SLC25A17: variants seen among roughly 807,000 people sequenced by gnomAD.
SLC25A17 encodes the protein solute carrier family 25 member 17, also known as peroxisomal membrane protein PMP34.
In SLC25A17, 26 loss-of-function variants were observed where a neutral mutation model predicts 38.5. The observed-to-expected ratio is 0.68, with a 90% CI of 0.50 to 0.94. The LOEUF is 0.94. Ranked by LOEUF, SLC25A17 falls within the 40% of genes least tolerant of loss-of-function variation. The pLI is 0.00. For synonymous variants in SLC25A17, 139 were observed against 136.2 expected (o/e 1.02, Z -0.14); for missense variants, 333 against 372.7 (o/e 0.89, Z 0.88).
At chr22:40,787,246 G>A (rs1307490273) in intron 4 of SLC25A17, among the ~76,000 whole-genome samples, 3 of 152,188 alleles carry the variant, frequency 2.0e-5, no homozygotes, top group Non-Finnish European at 4.4e-5. Flanking sequence ...GACCACAGTT[G>A]CTGTAGAGGA....
At chr22:40,794,770 C>A (rs1245194701) in intron 2 of SLC25A17, among the ~76,000 whole-genome samples, 190 bp from the exon 3 acceptor site, 1 of 152,076 alleles carries the variant, frequency 6.6e-6, no homozygotes, top group Non-Finnish European at 1.5e-5. Context: ...CAGGTGCACA[C>A]CACCATGCCC....
chr22:40,777,673 T>C lies in SLC25A17; in HGVS notation c.452-300A>G, dbSNP rs1013786821. Among the ~76,000 whole-genome samples, 8 of 151,924 alleles carry C rather than the reference T, an allele frequency of 5.3e-5. No individual in the cohort carries two copies. The South Asian group carries it at 1.5e-3, about 28-fold the overall frequency. ...GGTGCATACCTGTAATCTCAGCTACTTGGGGGGCTGAGGCAGGAGAATTGC... is the reference window on the plus strand; with the variant it reads ...GGTGCATACCTGTAATCTCAGCTACCTGGGGGGCTGAGGCAGGAGAATTGC... On this transcript the variant is annotated intron_variant, in intron 5 of 8. Coordinates refer to ENST00000435456, the MANE Select transcript of SLC25A17 (RefSeq NM_006358.4).
At chr22:40,792,752 T>A in intron 3 of SLC25A17, 76 bp from the exon 4 acceptor site, 2 of 1,491,502 alleles carry the variant, frequency 1.3e-6, no homozygotes, top group African/African-American at 2.8e-5. Flanking sequence ...TAGGAAAGGC[T>A]GACCATCATT....
chr22:40,794,465 A>T (rs1293776425), intron 3 of SLC25A17, 49 bp downstream of exon 3: 1 of 1,091,714 alleles, frequency 9.2e-7, no homozygotes, highest in African/African-American at 1.5e-5. Flanking sequence ...GAAGCACAGG[A>T]ATCTCCTAAC....
intron 8 of SLC25A17, among the ~76,000 whole-genome samples, chr22:40,773,643 T>A (rs536787962): frequency 2.6e-5 from 4 of 152,360 alleles, no homozygotes; most frequent in Admixed American, 2.6e-4. Flanking sequence ...GATATGCCAC[T>A]GATGAAAGCA....
chr22:40,801,336 G>T lies in SLC25A17; in HGVS notation c.55-2253C>A, dbSNP rs1806449362. ...CCCGCCTATCAGCTTACAATTGGTT[G>T]TTCAGTCCTCTAGGGTGCCATTAGC... On this transcript the variant is annotated intron_variant, in intron 1 of 8. Transcript: ENST00000435456. Among the ~76,000 whole-genome samples, 3 of 151,720 alleles carry T rather than the reference G, an allele frequency of 2.0e-5. No individual in the cohort carries two copies. In the South Asian group the frequency reaches 6.3e-4, roughly 32 times the overall value.
intron 5 of SLC25A17, among the ~76,000 whole-genome samples, chr22:40,778,054 A>T (rs562014125): frequency 6.6e-6 from 1 of 152,200 alleles, no homozygotes; most frequent in African/African-American, 2.4e-5. Context: ...AGAATTTATT[A>T]TACAGGATTT....
At chr22:40,814,804 G>GTTGTT (rs1225293128) in intron 1 of SLC25A17, among the ~76,000 whole-genome samples, 1 of 141,438 alleles carries the variant, frequency 7.1e-6, no homozygotes, top group East Asian at 2.1e-4. Flanking sequence ...TGTTGTTGTT[G>GTTGTT]TTGTTTTGTT....
rs921567936 is a variant in SLC25A17, at chr22:40,798,930, C to T, written c.115+93G>A. ...CGCACTCCAGCCTGGGCTACAAAAG[C>T]GAAACTCCGTCTCAAAAAAAAAAAA... On this transcript the variant is annotated intron_variant, in intron 2 of 8. Coordinates refer to ENST00000435456, the MANE Select transcript of SLC25A17 (RefSeq NM_006358.4). 56 of 882,476 alleles carry T rather than the reference C, an allele frequency of 6.3e-5. 1 individual carries two copies. Among genetic ancestry groups the T allele is most frequent in the Non-Finnish European group, 6.5e-5 (37 of 572,696 alleles). 54.7% of individuals were successfully genotyped at this position (882,476 alleles called of 1,614,324 possible).
intron 1 of SLC25A17, among the ~76,000 whole-genome samples, chr22:40,802,902 T>C (rs749668072): frequency 2.0e-4 from 30 of 152,342 alleles, no homozygotes; most frequent in Non-Finnish European, 4.3e-4. Context: ...TGCCATGTAA[T>C]AATTGTACAT....
In SLC25A17 at chr22:40,792,566, T is replaced by C. The variant is rs12159334; in HGVS notation, c.293A>G (p.His98Arg). 6.5e-4 allele frequency: 1,047 copies of C among 1,613,932 alleles called. 9 individuals carry two copies. In the African/African-American group the frequency reaches 0.012, roughly 19 times the overall value. ...TACCAGATCTTTTCCAGTGGTAGAATGTTGACCTTTGACCCAGAGTGCTTT... is the reference window on the plus strand; with the variant it reads ...TACCAGATCTTTTCCAGTGGTAGAACGTTGACCTTTGACCCAGAGTGCTTT... The part of the protein sequence containing the change: ...SLKALWVKGQ[H>R]STTGKDLVVG... The change falls in exon 4 of 9, where the codon CAT becomes CGT. Residue 98 changes from histidine (H) to arginine (R), a missense_variant. His to Arg is a conservative substitution (Grantham distance 29). Transcript: ENST00000435456.
chr22:40,774,088 A>C, intron 7 of SLC25A17, 69 bp from the exon 8 acceptor site: 1 of 928,346 alleles, frequency 1.1e-6, no homozygotes, highest in Non-Finnish European at 1.8e-6. Context: ...TTACCTGGGG[A>C]GGATATTATG....
At chr22:40,807,040 G>A (rs1168862321) in intron 1 of SLC25A17, among the ~76,000 whole-genome samples, 1 of 152,128 alleles carries the variant, frequency 6.6e-6, no homozygotes, top group Non-Finnish European at 1.5e-5. Flanking sequence ...CACTTATCAT[G>A]CTTTCAAGGT....
chr22:40,806,272 C>T (rs1569411895), intron 1 of SLC25A17, among the ~76,000 whole-genome samples: 1 of 152,170 alleles, frequency 6.6e-6, no homozygotes, highest in East Asian at 1.9e-4. Flanking sequence ...CATACACACA[C>T]ATGTATGGAT....
intron 2 of SLC25A17, among the ~76,000 whole-genome samples, chr22:40,796,990 G>A (rs2057436813): frequency 2.0e-5 from 3 of 151,848 alleles, no homozygotes; most frequent in Admixed American, 2.0e-4. Context: ...AAAAAAGGGA[G>A]AGAAAAAAAA....
At chr22:40,775,685 G>A (rs933258175) in intron 7 of SLC25A17, among the ~76,000 whole-genome samples, 26 of 151,324 alleles carry the variant, frequency 1.7e-4, no homozygotes, top group Non-Finnish European at 2.8e-4. Flanking sequence ...GGATGGTCTC[G>A]ATCTCCTGAC....
chr22:40,787,869 C>T (rs1423655003), intron 4 of SLC25A17, among the ~76,000 whole-genome samples: 2 of 152,140 alleles, frequency 1.3e-5, no homozygotes, highest in Non-Finnish European at 2.9e-5. Flanking sequence ...CAAAATTTTA[C>T]AAACATCTTT....
intron 8 of SLC25A17, among the ~76,000 whole-genome samples, 195 bp from the exon 9 acceptor site, chr22:40,771,176 C>T (rs575037209): frequency 3.9e-5 from 6 of 152,312 alleles, no homozygotes; most frequent in South Asian, 4.2e-4. Context: ...GGCGCGATCT[C>T]GGCTCACTGC....
At chr22:40,784,809 A>G (rs567546215) in intron 4 of SLC25A17, among the ~76,000 whole-genome samples, 1 of 151,786 alleles carries the variant, frequency 6.6e-6, no homozygotes, top group Non-Finnish European at 1.5e-5. Flanking sequence ...AAAAAAAGAA[A>G]AGGAAAAAAA....
Sources: allele counts gnomAD v4.1 joint callset (sites outside exome capture counted in the v4.1 genomes callset), GRCh38; gene constraint gnomAD v4.1.1; transcripts MANE v1.5; gene names NCBI Gene and HGNC (gene_info 2026-07-23, HGNC 2026-07-21).